Variants in ASAP2 observed in about 807,000 individuals in gnomAD.
ASAP2 encodes arf-GAP with SH3 domain, ANK repeat and PH domain-containing protein 2.
A neutral mutation model predicts 131.4 loss-of-function variants in ASAP2; 45 were observed. The observed-to-expected ratio is 0.34, with a 90% CI of 0.27 to 0.44. The LOEUF (loss-of-function observed/expected upper bound fraction) is 0.44. Among genes scored for constraint, ASAP2 ranks in the 20% least tolerant of loss-of-function variants. The probability of loss-of-function intolerance (pLI) is 1.00; values close to 1 mark genes in which losing one functional copy is unlikely to be tolerated. For missense variants in ASAP2, 1,011 were observed against 1,297.0 expected, an observed-to-expected ratio of 0.78 and a Z score of 3.39; for synonymous variants, 510 against 503.0, an observed-to-expected ratio of 1.01 and a Z score of -0.19.
intron 1 of ASAP2, among the ~76,000 whole-genome samples, chr2:9,251,188 A>G (rs969333184): frequency 6.6e-6 from 1 of 152,186 alleles, no homozygotes; most frequent in African/African-American, 2.4e-5. Flanking sequence ...ACGTGGCCAG[A>G]GCGTTGTCAC....
At chr2:9,358,042 C>T (rs1455587765) in intron 14 of ASAP2, among the ~76,000 whole-genome samples, 4 of 152,062 alleles carry the variant, frequency 2.6e-5, no homozygotes, top group East Asian at 1.9e-4. Flanking sequence ...AGTGAGTAGC[C>T]GAGCTGTGAG....
At chr2:9,352,586 C>T (rs1347418074) in intron 12 of ASAP2, among the ~76,000 whole-genome samples, 3 of 152,220 alleles carry the variant, frequency 2.0e-5, no homozygotes, top group East Asian at 1.9e-4. Flanking sequence ...TTCCCAGCCT[C>T]CACCTTTTTA....
intron 3 of ASAP2, among the ~76,000 whole-genome samples, chr2:9,301,820 CTTTT>C (rs1177064910): frequency 5.2e-5 from 6 of 115,396 alleles, no homozygotes; most frequent in African/African-American, 1.4e-4. Flanking sequence ...TATCCATCAT[CTTTT>C]TTTTTTTTTT....
chr2:9,355,537 GT>G (rs1672640406), intron 12 of ASAP2, among the ~76,000 whole-genome samples: 1 of 152,314 alleles, frequency 6.6e-6, no homozygotes, highest in Middle Eastern at 3.4e-3. Flanking sequence ...GTATGTAAGT[GT>G]AGGATTTTAT....
rs1674770674 is a variant in ASAP2, at chr2:9,380,722, G to A, written c.1949-19G>A. 6.2e-7 allele frequency: 1 copy of A among 1,613,848 alleles called. No homozygotes were observed. Among genetic ancestry groups the A allele is most frequent in the Non-Finnish European group, 8.5e-7 (1 of 1,179,918 alleles). On this transcript the variant is annotated intron_variant, in intron 19 of 27. Transcript: ENST00000281419. Reference sequence around the variant, plus strand: ...TGGGTTTTGCCTTAACGCCTCCTTTGCTCGCCCTTGAATTTTAGCAAACGA... The same window carrying A: ...TGGGTTTTGCCTTAACGCCTCCTTTACTCGCCCTTGAATTTTAGCAAACGA...
rs1677168512 is a variant in ASAP2 at position 9,405,651 on chromosome 2, G to GC, written c.*2324_*2325insC. 1 of 152,408 alleles carries GC rather than the reference G, an allele frequency of 6.6e-6. No individual in the cohort carries two copies. Among genetic ancestry groups the GC allele is most frequent in the African/African-American group, 2.4e-5 (1 of 41,362 alleles). 9.4% of individuals were successfully genotyped at this position (152,408 alleles called of 1,614,324 possible). ...CTTCTTGTTAACTAGTCATTTGACT[G>GC]GAAAAAAATAAAATACTTTTAAATG... On this transcript the variant is annotated 3_prime_UTR_variant, in exon 28 of 28. Transcript: ENST00000281419.
chr2:9,397,854 G>A (rs62118808), intron 24 of ASAP2, among the ~76,000 whole-genome samples: 16,112 of 144,102 alleles, frequency 0.11, 1,003 homozygotes, highest in African/African-American at 0.17. Flanking sequence ...CGCCTCCCGG[G>A]TTCACGCCAT....
rs773110660 is a variant in ASAP2 at position 9,380,762 on chromosome 2, C to T, written c.1970C>T (p.Pro657Leu). The change falls in exon 20 of 28, where the codon CCG (proline) becomes CTG (leucine). Residue 657 changes from proline (P) to leucine (L), a missense_variant. This residue lies in a region of ASAP2 where 652 missense variants were observed against 698.9 expected (regional missense o/e 0.93). Coordinates refer to ENST00000281419, the MANE Select transcript of ASAP2 (RefSeq NM_003887.3). ...IEIANESGET[P>L]LDIAKRLKHE... ...TTAGCAAACGAGTCAGGAGAGACTC[C>T]GCTGGACATTGCCAAGCGCCTCAAG... 2.5e-6 allele frequency: 4 copies of T among 1,614,152 alleles called. No homozygotes were observed. The highest frequency in any genetic ancestry group is 2.5e-6 in the Non-Finnish European group (3 of 1,180,032).
chr2:9,323,735 G>A (rs1244022436), intron 6 of ASAP2, among the ~76,000 whole-genome samples: 4 of 152,246 alleles, frequency 2.6e-5, no homozygotes, highest in South Asian at 4.2e-4. Flanking sequence ...TCAGGCGGGG[G>A]CACTCATCTA....
At chr2:9,239,227 A>G (rs866518208) in intron 1 of ASAP2, among the ~76,000 whole-genome samples, 10 of 152,094 alleles carry the variant, frequency 6.6e-5, no homozygotes, top group Non-Finnish European at 1.3e-4. Flanking sequence ...TAACACTGCA[A>G]CTACTCTTTG....
intron 3 of ASAP2, among the ~76,000 whole-genome samples, chr2:9,317,196 A>G (rs1322181843): frequency 7.3e-6 from 1 of 137,832 alleles, no homozygotes; most frequent in Non-Finnish European, 1.6e-5. Flanking sequence ...ACCCCACGCA[A>G]TCACACCCAC....
At chr2:9,367,939 G>A (rs1454500610) in intron 15 of ASAP2, among the ~76,000 whole-genome samples, 2 of 152,268 alleles carry the variant, frequency 1.3e-5, no homozygotes, top group Non-Finnish European at 2.9e-5. Flanking sequence ...AAACTCTGCC[G>A]CTCAGGGAAA....
At chr2:9,400,122 C>CAATGTGGGGGA (rs1348377700) in intron 25 of ASAP2, 50 bp downstream of exon 25, 1 of 1,566,606 alleles carries the variant, frequency 6.4e-7, no homozygotes, top group South Asian at 1.1e-5. Context: ...TCCATGGGGG[C>CAATGTGGGGGA]AATGTGGGGG....
At chr2:9,301,296 T>C (rs1668457150) in intron 3 of ASAP2, among the ~76,000 whole-genome samples, 1 of 152,212 alleles carries the variant, frequency 6.6e-6, no homozygotes, top group Admixed American at 6.5e-5. Flanking sequence ...AAATGCCAGC[T>C]TAATATAAAG....
chr2:9,213,779 C>T (rs574176312), intron 1 of ASAP2, among the ~76,000 whole-genome samples: 5 of 152,330 alleles, frequency 3.3e-5, no homozygotes, highest in Admixed American at 1.3e-4. Context: ...TCCAAGCCCC[C>T]TGAACAGACC....
chr2:9,240,484 G>A (rs934608748), intron 1 of ASAP2, among the ~76,000 whole-genome samples: 5 of 151,954 alleles, frequency 3.3e-5, no homozygotes, highest in African/African-American at 7.3e-5. Context: ...GGACTGGAGC[G>A]ATTCACCTGC....
intron 16 of ASAP2, among the ~76,000 whole-genome samples, chr2:9,373,095 G>A (rs1161282230): frequency 1.3e-5 from 2 of 152,192 alleles, no homozygotes; most frequent in African/African-American, 4.8e-5. Flanking sequence ...AGTGAGCTCA[G>A]TGCACGGGTT....
At position 9,405,583 on chromosome 2, in the gene ASAP2, T is replaced by C. The variant is rs1184771493; in HGVS notation, c.*2256T>C. The stretch of plus-strand genomic sequence containing the variant: ...CGAAATTGATTATTTTCATTGTCCT[T>C]AATGCAGTGATTTATAATTAGAGCA... On this transcript the variant is annotated 3_prime_UTR_variant, in exon 28 of 28. Coordinates refer to ENST00000281419, the MANE Select transcript of ASAP2 (RefSeq NM_003887.3). 1 of 152,656 alleles carries C rather than the reference T, an allele frequency of 6.6e-6. No homozygotes were observed. Among genetic ancestry groups the C allele is most frequent in the African/African-American group, 2.4e-5 (1 of 41,466 alleles). 9.5% of individuals were successfully genotyped at this position (152,656 alleles called of 1,614,324 possible).
intron 1 of ASAP2, among the ~76,000 whole-genome samples, chr2:9,216,660 C>T (rs2147958852): frequency 6.6e-6 from 1 of 152,002 alleles, no homozygotes; most frequent in East Asian, 1.9e-4. Flanking sequence ...GGGGTTTTGC[C>T]ATGTTGGGCA....
Sources: allele counts gnomAD v4.1 joint callset (sites outside exome capture counted in the v4.1 genomes callset), GRCh38; gene constraint gnomAD v4.1.1; regional missense constraint gnomAD v4.1.1; transcripts MANE v1.5; gene names NCBI Gene and HGNC (gene_info 2026-07-23, HGNC 2026-07-21).